The following DOCK2 variants were observed in gnomAD, a reference collection of about 807,000 sequenced individuals.
DOCK2 encodes dedicator of cytokinesis 2.
A neutral mutation model predicts 248.9 loss-of-function variants in DOCK2; 87 were observed. The ratio of observed to expected loss-of-function variants is 0.35; its 90% CI spans 0.29 to 0.42. The LOEUF is 0.42. Among genes scored for constraint, DOCK2 ranks in the 10% least tolerant of loss-of-function variants. The probability of loss-of-function intolerance (pLI) is 1.00; values close to 1 mark genes in which losing one functional copy is unlikely to be tolerated. For missense variants in DOCK2, 1,747 were observed against 2,300.2 expected, an observed-to-expected ratio of 0.76 and a Z score of 4.92; for synonymous variants, 805 against 821.6, an observed-to-expected ratio of 0.98 and a Z score of 0.35.
intron 30 of DOCK2, among the ~76,000 whole-genome samples, chr5:169,998,839 A>G (rs1754737319): frequency 6.6e-6 from 1 of 152,166 alleles, no homozygotes; most frequent in African/African-American, 2.4e-5. Flanking sequence ...AACAAAGCAT[A>G]TCTCTTTAGC....
intron 27 of DOCK2, among the ~76,000 whole-genome samples, chr5:169,900,537 G>C (rs770471856): frequency 6.6e-6 from 1 of 152,192 alleles, no homozygotes; most frequent in Non-Finnish European, 1.5e-5. Flanking sequence ...ACATCTTAAA[G>C]CTTAGGCAAG....
At chr5:169,640,771 T>C (rs1482570904) in intron 1 of DOCK2, among the ~76,000 whole-genome samples, 2 of 152,212 alleles carry the variant, frequency 1.3e-5, no homozygotes, top group African/African-American at 4.8e-5. Context: ...CCTTATTTCT[T>C]AGGAGTTTCT....
At chr5:170,024,441 C>T (rs1310102027) in intron 33 of DOCK2, among the ~76,000 whole-genome samples, 5 of 135,630 alleles carry the variant, frequency 3.7e-5, no homozygotes, top group Admixed American at 8.1e-5. Context: ...TCATTTGTAA[C>T]ATGGGGATGA....
Position 169,747,342 on chromosome 5 carries a change from T to G in DOCK2, c.2268-54T>G. ...ATGAAGTTTGTGCCTAGTACACACT[T>G]TTAAAAGTATTGTCTGTTAGCTTGA... On this transcript the variant is annotated intron_variant, in intron 22 of 51. Transcript: ENST00000520908. The G allele has an allele frequency of 2.6e-6, 4 of 1,537,756 alleles. No individual in the cohort carries two copies. The South Asian group carries it at 4.8e-5, about 18-fold the overall frequency.
At chr5:169,706,364 T>C (rs1321535419) in intron 14 of DOCK2, among the ~76,000 whole-genome samples, 1 of 152,230 alleles carries the variant, frequency 6.6e-6, no homozygotes, top group Non-Finnish European at 1.5e-5. Flanking sequence ...TAGGTTCTTA[T>C]AGAAGGAACA....
Position 169,708,048 on chromosome 5 carries a change from C to T in DOCK2, c.1384-121C>T, listed in dbSNP as rs544585977. 2.3e-3 allele frequency: 2,051 copies of T among 908,064 alleles called. 7 individuals carry two copies. Among genetic ancestry groups the T allele is most frequent in the Non-Finnish European group, 3.0e-3 (1,716 of 575,972 alleles). The allele number at this position is 908,064 out of a possible 1,614,324, so 56.3% of individuals were successfully genotyped here. ...CCATTATGGGCACCTGGCATGAGGG[C>T]TAGGGAAGGCAGGGTTGGCCCAGGC... On this transcript the variant is annotated intron_variant, in intron 14 of 51. Coordinates refer to ENST00000520908, the MANE Select transcript of DOCK2 (RefSeq NM_004946.3).
intron 27 of DOCK2, chr5:169,881,544 C>G: frequency 2.3e-6 from 2 of 866,312 alleles, no homozygotes; most frequent in Non-Finnish European, 1.9e-6. Flanking sequence ...ACAGCATTCA[C>G]GGTGCTCTGA....
At chr5:169,842,572 C>A (rs999707918) in intron 27 of DOCK2, among the ~76,000 whole-genome samples, 24 of 152,046 alleles carry the variant, frequency 1.6e-4, no homozygotes, top group African/African-American at 5.8e-4. Context: ...GTTGACCAGG[C>A]TGGTCTTGAA....
intron 26 of DOCK2, among the ~76,000 whole-genome samples, chr5:169,818,953 A>G (rs1359911764): frequency 6.6e-6 from 1 of 152,094 alleles, no homozygotes; most frequent in East Asian, 1.9e-4. Flanking sequence ...TATTTGTCCA[A>G]ATATAAACTT....
chr5:169,864,864 A>G (rs1771443874), intron 27 of DOCK2, among the ~76,000 whole-genome samples: 1 of 152,224 alleles, frequency 6.6e-6, no homozygotes, highest in Non-Finnish European at 1.5e-5. Context: ...ATTATCTGTA[A>G]AATGGGGGTA....
intron 22 of DOCK2, 58 bp downstream of exon 22, chr5:169,718,849 CA>C (rs1762040716): frequency 6.5e-7 from 1 of 1,548,176 alleles, no homozygotes; most frequent in Non-Finnish European, 8.8e-7. Flanking sequence ...TGGGATACAA[CA>C]GTATTTTTAC....
At chr5:169,929,829 C>T (rs2113678322) in intron 27 of DOCK2, among the ~76,000 whole-genome samples, 1 of 151,676 alleles carries the variant, frequency 6.6e-6, no homozygotes, top group South Asian at 2.1e-4. Flanking sequence ...CCTATAGACC[C>T]TTATATGAGG....
At chr5:169,850,148 A>T (rs1409532028) in intron 27 of DOCK2, among the ~76,000 whole-genome samples, 1 of 152,236 alleles carries the variant, frequency 6.6e-6, no homozygotes, top group African/African-American at 2.4e-5. Context: ...TTAACAGTTC[A>T]CATTTATGGA....
chr5:169,684,319 C>G lies in DOCK2; in HGVS notation c.730C>G (p.Leu244Val). The change falls in exon 8 of 52, where the codon CTC becomes GTC. Residue 244 changes from leucine (L) to valine (V), a missense_variant. Leu to Val is a conservative substitution (Grantham distance 32). Transcript: ENST00000520908. ...GGAAGATGCTGAGCTCTTCATGTCTCTCTACGACCCCAACAAGCAAACGGT... is the reference window on the plus strand; with the variant it reads ...GGAAGATGCTGAGCTCTTCATGTCTGTCTACGACCCCAACAAGCAAACGGT... ...IGEDAELFMSLYDPNKQTVIS... is the reference protein window; with the variant it reads ...IGEDAELFMSVYDPNKQTVIS... 1 of 1,614,192 alleles carries G rather than the reference C, an allele frequency of 6.2e-7. No individual in the cohort carries two copies. Among genetic ancestry groups the G allele is most frequent in the Non-Finnish European group, 8.5e-7 (1 of 1,180,006 alleles).
intron 22 of DOCK2, among the ~76,000 whole-genome samples, chr5:169,731,705 TA>T (rs1183849314): frequency 1.3e-5 from 2 of 152,172 alleles, no homozygotes; most frequent in African/African-American, 4.8e-5. Context: ...TTCCAAAGTA[TA>T]ATTTGCTGGG....
chr5:170,059,083 T>G (rs7710410), intron 44 of DOCK2, among the ~76,000 whole-genome samples: 34,170 of 151,864 alleles, frequency 0.23, 4,175 homozygotes, highest in African/African-American at 0.3. Context: ...TTGTTCAAGG[T>G]TAGTAAAAGA....
At chr5:170,061,797 C>T (rs891651194) in intron 44 of DOCK2, among the ~76,000 whole-genome samples, 2 of 152,164 alleles carry the variant, frequency 1.3e-5, no homozygotes, top group Non-Finnish European at 2.9e-5. Context: ...TCAGATATGG[C>T]AGTCTATTGT....
At position 169,695,907 on chromosome 5, in the gene DOCK2, G is replaced by T. The variant is rs199921409; in HGVS notation, c.948G>T (p.Thr316=). Residue 316 remains threonine (T), a synonymous_variant, in exon 10 of 52, where the codon ACG becomes ACT. Transcript: ENST00000520908. ...AGGATACTGGTGCAAAGAAGTGCAC[G>T]CAGGGACTGAGGAGGCCCTTTGGGG... ...DLKDTGAKKC[T]QGLRRPFGVA... 6.2e-7 allele frequency: 1 copy of T among 1,612,730 alleles called. No homozygotes were observed. Among genetic ancestry groups the T allele is most frequent in the Non-Finnish European group, 8.5e-7 (1 of 1,179,452 alleles).
chr5:169,713,144 C>G (rs1761679473), intron 17 of DOCK2, among the ~76,000 whole-genome samples: 1 of 152,214 alleles, frequency 6.6e-6, no homozygotes, highest in African/African-American at 2.4e-5. Context: ...TCTGTACAGC[C>G]TCTGTTTTCT....
Sources: allele counts gnomAD v4.1 joint callset (sites outside exome capture counted in the v4.1 genomes callset), GRCh38; gene constraint gnomAD v4.1.1; transcripts MANE v1.5; gene names NCBI Gene and HGNC (gene_info 2026-07-23, HGNC 2026-07-21).